ACKR2: variants seen among roughly 807,000 people sequenced by gnomAD.
ACKR2 encodes C-C chemokine receptor D6.
For missense variants in ACKR2, 457 were observed against 477.3 expected, an observed-to-expected ratio of 0.96 and a Z score of 0.40; for synonymous variants, 207 against 192.2, an observed-to-expected ratio of 1.08 and a Z score of -0.64.
intron 2 of ACKR2, among the ~76,000 whole-genome samples, chr3:42,836,701 A>G (rs4683343): frequency 0.98 from 149,806 of 152,322 alleles, 73,712 homozygotes; most frequent in Middle Eastern, 1. Flanking sequence ...AAGCCCTGCG[A>G]CAGTTTTAGC....
chr3:42,858,247 G>T (rs952226878), intron 2 of ACKR2, among the ~76,000 whole-genome samples: 1 of 152,194 alleles, frequency 6.6e-6, no homozygotes, highest in East Asian at 1.9e-4. Flanking sequence ...TCCCAGCAGG[G>T]GTTGACAGAT....
chr3:42,864,700 T>C lies in ACKR2; in HGVS notation c.198T>C (p.Leu66=). ...TGTTGGGCCTCAGCGGGAACCTCCTTCTTCTCATGGTCTTGCTCCGTTACG... is the reference window on the plus strand; with the variant it reads ...TGTTGGGCCTCAGCGGGAACCTCCTCCTTCTCATGGTCTTGCTCCGTTACG... The part of the protein sequence containing the change: ...IFVLGLSGNL[L]LLMVLLRYVP... Residue 66 remains leucine (L), a synonymous_variant, in exon 3 of 3, where the codon CTT becomes CTC. Coordinates refer to ENST00000422265, the MANE Select transcript of ACKR2 (RefSeq NM_001296.5). The C allele has an allele frequency of 6.2e-7, 1 of 1,614,178 alleles. No homozygotes were observed. The highest frequency in any genetic ancestry group is 8.5e-7 in the Non-Finnish European group (1 of 1,180,024).
At chr3:42,831,059 G>T (rs1700927241) in intron 2 of ACKR2, among the ~76,000 whole-genome samples, 1 of 152,008 alleles carries the variant, frequency 6.6e-6, no homozygotes, top group African/African-American at 2.4e-5. Context: ...GAGAAGAAAA[G>T]AAAAAGAAAA....
At chr3:42,822,905 CT>C (rs1700823951) in intron 2 of ACKR2, among the ~76,000 whole-genome samples, 1 of 151,360 alleles carries the variant, frequency 6.6e-6, no homozygotes, top group African/African-American at 2.4e-5. Context: ...AAGCTAGGAT[CT>C]TTTTGCTGTA....
chr3:42,811,969 T>C (rs539051044), intron 1 of ACKR2, among the ~76,000 whole-genome samples: 3 of 152,172 alleles, frequency 2.0e-5, no homozygotes, highest in Non-Finnish European at 4.4e-5. Context: ...CCTGTTCTCC[T>C]GCCGCATTCC....
Position 42,864,832 on chromosome 3 carries a change from G to T in ACKR2, c.330G>T (p.Trp110Cys). The change falls in exon 3 of 3, where the codon TGG becomes TGT. Residue 110 changes from tryptophan to cysteine, a missense_variant. Trp to Cys is a radical substitution (Grantham distance 215). Coordinates refer to ENST00000422265, the MANE Select transcript of ACKR2 (RefSeq NM_001296.5). ...GGGGCATCTCCGTGGCCTGGCATTG[G>T]GTCTTCGGGAGTTTCTTGTGCAAGA... ...PFWGISVAWH[W>C]VFGSFLCKMV... 6.2e-7 allele frequency: 1 copy of T among 1,614,166 alleles called. No individual in the cohort carries two copies. Among genetic ancestry groups the T allele is most frequent in the East Asian group, 2.2e-5 (1 of 44,880 alleles).
At chr3:42,842,035 C>T (rs916755232) in intron 2 of ACKR2, among the ~76,000 whole-genome samples, 11 of 152,136 alleles carry the variant, frequency 7.2e-5, no homozygotes, top group African/African-American at 1.4e-4. Flanking sequence ...ATGACCCTAC[C>T]GCTTCATAGG....
intron 2 of ACKR2, among the ~76,000 whole-genome samples, chr3:42,829,347 C>T (rs1700905631): frequency 6.6e-6 from 1 of 152,172 alleles, no homozygotes; most frequent in South Asian, 2.1e-4. Flanking sequence ...CAGGCAATAG[C>T]CCCTATTGAG....
At chr3:42,864,247 A>G (rs1183503949) in intron 2 of ACKR2, among the ~76,000 whole-genome samples, 1 of 152,236 alleles carries the variant, frequency 6.6e-6, no homozygotes, top group Non-Finnish European at 1.5e-5. Context: ...TAAGTGTCCC[A>G]GAGTAAGTGG....
At chr3:42,854,643 C>T (rs1267648200) in intron 2 of ACKR2, among the ~76,000 whole-genome samples, 1 of 152,094 alleles carries the variant, frequency 6.6e-6, no homozygotes, top group Non-Finnish European at 1.5e-5. Flanking sequence ...ACTTTGCTTC[C>T]CAGGACTATG....
intron 2 of ACKR2, among the ~76,000 whole-genome samples, chr3:42,863,389 G>A (rs145954926): frequency 0.043 from 6,579 of 152,274 alleles, 210 homozygotes; most frequent in South Asian, 0.12. Flanking sequence ...TGGAGAAATA[G>A]GAATGCTTTT....
chr3:42,845,713 G>A (rs749388153), intron 2 of ACKR2, among the ~76,000 whole-genome samples: 42 of 151,918 alleles, frequency 2.8e-4, no homozygotes, highest in Non-Finnish European at 5.3e-4. Context: ...GTCAGGCATG[G>A]TGGCGCATGC....
At position 42,866,988 on chromosome 3, in the gene ACKR2, C is replaced by G. The variant is rs1254576510; in HGVS notation, c.*1331C>G. On this transcript the variant is annotated 3_prime_UTR_variant, in exon 3 of 3. Transcript: ENST00000422265. ...TCCTGAGCTCAAGTGATCCTCCCAT[C>G]TAAGCCCCCAAGTAGCTAGGACTAC... 6.2e-6 allele frequency: 1 copy of G among 162,342 alleles called. No homozygotes were observed. Among genetic ancestry groups the G allele is most frequent in the Admixed American group, 6.6e-5 (1 of 15,258 alleles). 10.1% of individuals were successfully genotyped at this position (162,342 alleles called of 1,614,324 possible).
intron 2 of ACKR2, among the ~76,000 whole-genome samples, chr3:42,864,117 C>T (rs1197101509): frequency 6.6e-6 from 1 of 152,084 alleles, no homozygotes; most frequent in African/African-American, 2.4e-5. Flanking sequence ...GAATTGATAT[C>T]CCTAAAGAAT....
At chr3:42,811,006 C>T (rs1376306488) in intron 1 of ACKR2, among the ~76,000 whole-genome samples, 1 of 152,192 alleles carries the variant, frequency 6.6e-6, no homozygotes, top group African/African-American at 2.4e-5. Context: ...TCTGCCACCA[C>T]ACCCGGCTAA....
At chr3:42,826,859 T>G (rs968188231) in intron 2 of ACKR2, among the ~76,000 whole-genome samples, 1 of 152,232 alleles carries the variant, frequency 6.6e-6, no homozygotes, top group Non-Finnish European at 1.5e-5. Flanking sequence ...AATATCTGTA[T>G]TCACATTTCT....
chr3:42,818,940 G>A (rs544663442), intron 1 of ACKR2, among the ~76,000 whole-genome samples: 4 of 152,076 alleles, frequency 2.6e-5, no homozygotes, highest in Non-Finnish European at 5.9e-5. Flanking sequence ...TGGATTCTTT[G>A]CAGCTCCTCA....
intron 2 of ACKR2, among the ~76,000 whole-genome samples, chr3:42,829,994 C>T (rs1440137589): frequency 6.6e-6 from 1 of 152,186 alleles, no homozygotes; most frequent in East Asian, 1.9e-4. Flanking sequence ...AACTAACAAA[C>T]ATTGTGATTC....
Position 42,865,542 on chromosome 3 carries a change from G to C in ACKR2, c.1040G>C (p.Cys347Ser). The change falls in exon 3 of 3, where the codon TGT becomes TCT. Residue 347 changes from cysteine to serine, a missense_variant. Cys to Ser is a moderately radical substitution (Grantham distance 112). Transcript: ENST00000422265. ...ACTGCCCAGGCCTCATTATCCAGCT[G>C]TTCTGAGAGCAGCATACTTACTGCC... is the stretch of plus-strand genomic sequence containing the variant. The part of the protein sequence containing the change: ...PGTAQASLSS[C>S]SESSILTAQE... 3 of 1,614,182 alleles carry C rather than the reference G, an allele frequency of 1.9e-6. No individual in the cohort carries two copies. The African/African-American group carries it at 4.0e-5, about 22-fold the overall frequency.
Sources: allele counts gnomAD v4.1 joint callset (sites outside exome capture counted in the v4.1 genomes callset), GRCh38; gene constraint gnomAD v4.1.1; transcripts MANE v1.5; gene names NCBI Gene and HGNC (gene_info 2026-07-23, HGNC 2026-07-21).